The following AMPD3 variants were observed in gnomAD, a reference collection of about 807,000 sequenced individuals.
AMPD3 encodes the protein AMP deaminase 3.
AMPD3 carries 57 observed loss-of-function variants against 82.3 expected under a neutral mutation model. That is an observed-to-expected ratio of 0.69 (90% CI 0.56 to 0.86). The LOEUF (loss-of-function observed/expected upper bound fraction) is 0.86, where lower values mean the gene tolerates loss of function less well. AMPD3 is among the 40% of genes least tolerant of loss of function. AMPD3 has a pLI of 0.00. For synonymous variants in AMPD3, 381 were observed against 394.7 expected (o/e 0.97, Z 0.41); for missense variants, 870 against 1,003.8 (o/e 0.87, Z 1.80).
chr11:10,459,146 T>A (rs1259668747), intron 1 of AMPD3, among the ~76,000 whole-genome samples: 2 of 152,212 alleles, frequency 1.3e-5, no homozygotes, highest in African/African-American at 4.8e-5. Flanking sequence ...GCTGTCTTGA[T>A]GTCTGCTCCC....
chr11:10,486,888 G>C (rs757704062), intron 5 of AMPD3: 300 of 985,290 alleles, frequency 3.0e-4, no homozygotes, highest in Non-Finnish European at 3.5e-4. Flanking sequence ...GCATAAACCA[G>C]TTTAACCCTT....
At chr11:10,481,411 C>T in intron 3 of AMPD3, 1 of 985,154 alleles carries the variant, frequency 1.0e-6, no homozygotes, top group African/African-American at 1.7e-5. Context: ...GGTACAAAAA[C>T]AGACTTTTGG....
In AMPD3 at chr11:10,504,624, AG is replaced by A. The variant is rs775116621; in HGVS notation, c.2094del (p.Asn699ThrfsTer59). Reference protein sequence around the residue: ...LSTCDLCEIARNSVLQSGLSH... With the variant: ...LSTCDLCEIAXNSVLQSGLSH... ...CACCTGCGACCTGTGTGAGATCGCCAGGAACAGCGTGCTGCAGAGCGGCCTC... is the reference window on the plus strand; with the variant it reads ...CACCTGCGACCTGTGTGAGATCGCCAGAACAGCGTGCTGCAGAGCGGCCTC... On this transcript the variant is annotated frameshift_variant, in exon 14 of 15. Coordinates refer to ENST00000396553, the MANE Select transcript of AMPD3 (RefSeq NM_001025389.2). LOFTEE classifies it high-confidence loss of function. 2 of 1,614,080 alleles carry A rather than the reference AG, an allele frequency of 1.2e-6. No individual in the cohort carries two copies. The highest frequency in any genetic ancestry group is 2.2e-5 in the East Asian group (1 of 44,894).
chr11:10,450,678 C>T (rs919019624), upstream of AMPD3: 1 of 1,039,214 alleles, frequency 9.6e-7, no homozygotes, highest in Admixed American at 5.7e-5. Context: ...GCCGCCGCGC[C>T]CCTGCTGCTC....
At chr11:10,471,313 A>G (rs1591451692) in intron 2 of AMPD3, among the ~76,000 whole-genome samples, 2 of 152,218 alleles carry the variant, frequency 1.3e-5, no homozygotes, top group South Asian at 4.1e-4. Context: ...TTAACTCAAG[A>G]TGGATTAAAG....
intron 6 of AMPD3, among the ~76,000 whole-genome samples, chr11:10,488,607 G>T (rs925959049): frequency 3.9e-5 from 6 of 152,294 alleles, no homozygotes; most frequent in African/African-American, 1.4e-4. Flanking sequence ...CCTGGATCAT[G>T]CAGGGGCTGT....
At chr11:10,505,612 G>A (rs111577553) in intron 14 of AMPD3, 96 bp from the exon 15 acceptor site, 4 of 1,556,212 alleles carry the variant, frequency 2.6e-6, no homozygotes, top group Admixed American at 1.9e-5. Flanking sequence ...AGGGGGACTA[G>A]TCTGACTTGC....
intron 2 of AMPD3, among the ~76,000 whole-genome samples, chr11:10,475,465 C>T (rs996993171): frequency 2.6e-5 from 4 of 152,160 alleles, no homozygotes; most frequent in Admixed American, 6.5e-5. Flanking sequence ...AGCTCCAACC[C>T]TCTACCTTTA....
chr11:10,487,507 G>A, intron 6 of AMPD3, 143 bp downstream of exon 6: 1 of 1,161,808 alleles, frequency 8.6e-7, no homozygotes, highest in Non-Finnish European at 1.3e-6. Context: ...AGAGGGGTAT[G>A]AAGCATATGT....
intron 7 of AMPD3, 77 bp from the exon 8 acceptor site, chr11:10,494,822 C>G: frequency 6.3e-7 from 1 of 1,580,600 alleles, no homozygotes; most frequent in Non-Finnish European, 8.7e-7. Context: ...AGAAGGCCGC[C>G]TCGTAAAGGT....
chr11:10,466,309 A>G (rs146689228), intron 2 of AMPD3, among the ~76,000 whole-genome samples: 4 of 152,192 alleles, frequency 2.6e-5, no homozygotes, highest in African/African-American at 9.6e-5. Context: ...CACTGCCAGC[A>G]CAGCAGCAGT....
At chr11:10,458,986 CT>C (rs988691171) in intron 1 of AMPD3, among the ~76,000 whole-genome samples, 1 of 152,108 alleles carries the variant, frequency 6.6e-6, no homozygotes, top group Non-Finnish European at 1.5e-5. Context: ...CTGATGGAGC[CT>C]CCTGGGTCTG....
upstream of AMPD3, among the ~76,000 whole-genome samples, chr11:10,454,096 C>T (rs1848027592): frequency 6.6e-6 from 1 of 152,168 alleles, no homozygotes; most frequent in South Asian, 2.1e-4. Context: ...TCCACAGAGA[C>T]ATCTTGGCTG....
intron 3 of AMPD3, 132 bp downstream of exon 3, chr11:10,478,862 C>A: frequency 9.5e-7 from 1 of 1,049,454 alleles, no homozygotes; most frequent in Non-Finnish European, 1.4e-6. Flanking sequence ...AGAGGAGGCA[C>A]AGGAGACAAG....
At chr11:10,497,054 C>A (rs1345591345) in intron 10 of AMPD3, 116 bp downstream of exon 10, 2 of 1,368,156 alleles carry the variant, frequency 1.5e-6, no homozygotes, top group Non-Finnish European at 2.1e-6. Flanking sequence ...GGTCCTGCCA[C>A]CTGTGTTCCA....
At chr11:10,463,301 C>A (rs1362728119) in intron 2 of AMPD3, among the ~76,000 whole-genome samples, 1 of 152,340 alleles carries the variant, frequency 6.6e-6, no homozygotes, top group African/African-American at 2.4e-5. Context: ...ACTCATAAGA[C>A]CAGTGCTTTC....
intron 13 of AMPD3, 66 bp downstream of exon 13, chr11:10,502,960 T>C: frequency 6.4e-7 from 1 of 1,567,436 alleles, no homozygotes; most frequent in Non-Finnish European, 8.8e-7. Context: ...TCCTCCCATT[T>C]CAGGAACCTG....
intron 11 of AMPD3, chr11:10,501,025 G>A: frequency 4.1e-6 from 4 of 985,450 alleles, no homozygotes; most frequent in Non-Finnish European, 3.6e-6. Context: ...AGCTTTTGGA[G>A]ATGGGGGCTC....
At chr11:10,487,203 A>T in intron 5 of AMPD3, 32 bp from the exon 6 acceptor site, 1 of 1,613,562 alleles carries the variant, frequency 6.2e-7, no homozygotes, top group Non-Finnish European at 8.5e-7. Context: ...GATGCGACTC[A>T]ACTATGGTCT....
Sources: gnomAD v4.1 joint callset for allele counts (sites outside exome capture counted in the v4.1 genomes callset) on GRCh38, gnomAD v4.1.1 for gene constraint, MANE v1.5 for transcripts, NCBI Gene and HGNC (gene_info 2026-07-23, HGNC 2026-07-21) for gene names.